SENP5: variants seen among roughly 807,000 people sequenced by gnomAD.
The protein encoded by SENP5 is SUMO specific peptidase 5.
In SENP5, 21 loss-of-function variants were observed where a neutral mutation model predicts 74.2. That is an observed-to-expected ratio of 0.28 (90% CI 0.20 to 0.41). SENP5 has a LOEUF of 0.41. Ranked by LOEUF, SENP5 falls within the 10% of genes least tolerant of loss-of-function variation. The probability of loss-of-function intolerance (pLI) is 1.00; values close to 1 mark genes in which losing one functional copy is unlikely to be tolerated. For missense variants in SENP5, 717 were observed against 889.1 expected (o/e 0.81, Z 2.46); for synonymous variants, 311 against 312.7 (o/e 0.99, Z 0.06).
chr3:196,921,402 C>T (rs1715615280), intron 6 of SENP5, among the ~76,000 whole-genome samples: 1 of 152,040 alleles, frequency 6.6e-6, no homozygotes, highest in African/African-American at 2.4e-5. Context: ...AGTTACTCAG[C>T]CTGTATAAAG....
chr3:196,904,213 G>C (rs1714812325), intron 6 of SENP5, among the ~76,000 whole-genome samples: 1 of 152,190 alleles, frequency 6.6e-6, no homozygotes, highest in African/African-American at 2.4e-5. Context: ...AGAATACAAG[G>C]TAACTGGGAT....
intron 6 of SENP5, among the ~76,000 whole-genome samples, chr3:196,909,283 C>T (rs997846249): frequency 1.3e-5 from 2 of 152,094 alleles, no homozygotes; most frequent in East Asian, 3.9e-4. Context: ...GCCTACCAAC[C>T]ACAAAAAGCC....
At chr3:196,928,437 T>G (rs540323668) in intron 8 of SENP5, among the ~76,000 whole-genome samples, 1 of 152,360 alleles carries the variant, frequency 6.6e-6, no homozygotes, top group African/African-American at 2.4e-5. Context: ...TGGGCTGTGT[T>G]GTTTCCAGTG....
intron 1 of SENP5, among the ~76,000 whole-genome samples, chr3:196,880,760 G>C (rs1378730342): frequency 6.7e-6 from 1 of 148,774 alleles, no homozygotes; most frequent in Non-Finnish European, 1.5e-5. Flanking sequence ...TCCTGCCTCA[G>C]TCTCCCGAGT....
At chr3:196,917,213 G>C (rs1715416038) in intron 6 of SENP5, among the ~76,000 whole-genome samples, 1 of 151,818 alleles carries the variant, frequency 6.6e-6, no homozygotes, top group Admixed American at 6.6e-5. Flanking sequence ...AAATACATCA[G>C]AATCTCTCAA....
chr3:196,910,048 A>G (rs562718127), intron 6 of SENP5, among the ~76,000 whole-genome samples: 2 of 152,298 alleles, frequency 1.3e-5, no homozygotes, highest in Non-Finnish European at 2.9e-5. Context: ...AAACTTTAGC[A>G]AAGTCTCAGG....
At chr3:196,929,227 T>TG (rs1715933727) in intron 8 of SENP5, 1 of 182,134 alleles carries the variant, frequency 5.5e-6, no homozygotes, top group African/African-American at 2.4e-5. Context: ...GGTCGTGTGA[T>TG]GTGAGATCAG....
chr3:196,895,496 TTC>T (rs1319163254), intron 2 of SENP5, among the ~76,000 whole-genome samples: 2 of 83,378 alleles, frequency 2.4e-5, no homozygotes, highest in African/African-American at 7.3e-5. Flanking sequence ...TTACTTTAAC[TTC>T]TTTTTTTTAA....
chr3:196,910,283 C>T (rs1438300446), intron 6 of SENP5, among the ~76,000 whole-genome samples: 4 of 149,362 alleles, frequency 2.7e-5, no homozygotes, highest in Non-Finnish European at 3.0e-5. Flanking sequence ...ATTCCATCCT[C>T]GTGGATAGGA....
intron 6 of SENP5, among the ~76,000 whole-genome samples, chr3:196,916,991 G>A (rs184308126): frequency 8.6e-5 from 13 of 151,992 alleles, no homozygotes; most frequent in African/African-American, 2.4e-4. Flanking sequence ...AAAATTAGCC[G>A]GGCGTGGTGA....
intron 2 of SENP5, among the ~76,000 whole-genome samples, chr3:196,889,744 C>G (rs532576344): frequency 1.1e-3 from 163 of 152,270 alleles, no homozygotes; most frequent in Non-Finnish European, 1.8e-3. Flanking sequence ...TTTGGTAGAT[C>G]AGAAACTGAG....
chr3:196,874,374 C>G (rs746076366), intron 1 of SENP5, among the ~76,000 whole-genome samples: 2 of 151,300 alleles, frequency 1.3e-5, no homozygotes, highest in Non-Finnish European at 2.9e-5. Flanking sequence ...TGGTTTTTGT[C>G]CTTTCCATTG....
At chr3:196,903,437 G>C in intron 5 of SENP5, 96 bp from the exon 6 acceptor site, 1 of 711,040 alleles carries the variant, frequency 1.4e-6, no homozygotes. Context: ...CTTTTTGTCT[G>C]CTTTACATTC....
chr3:196,881,847 T>C (rs2108812740), intron 1 of SENP5, among the ~76,000 whole-genome samples: 1 of 152,142 alleles, frequency 6.6e-6, no homozygotes, highest in East Asian at 1.9e-4. Flanking sequence ...CCCTGTTCTT[T>C]TTTTTCAATG....
chr3:196,904,551 G>A lies in SENP5; in HGVS notation c.1884+941G>A, dbSNP rs74950931. ...GCCTGTAATCCCAGCACTTTGGGAG[G>A]CTGAGGTGGGCGGATCACTGAAGGT... On this transcript the variant is annotated intron_variant, in intron 6 of 9. Coordinates refer to ENST00000323460, the MANE Select transcript of SENP5 (RefSeq NM_152699.5). Among the ~76,000 whole-genome samples, 187 of 152,296 alleles carry A rather than the reference G, an allele frequency of 1.2e-3. 6 individuals carry two copies. In the East Asian group the frequency reaches 0.03, roughly 24 times the overall value.
At chr3:196,927,636 T>TA (rs10663759) in intron 7 of SENP5, among the ~76,000 whole-genome samples, 160 bp from the exon 8 acceptor site, 48,075 of 136,048 alleles carry the variant, frequency 0.35, 8,946 homozygotes, top group East Asian at 0.76. Flanking sequence ...ATCCTCTCTT[T>TA]AAAAAAAAAA....
chr3:196,882,957 A>G (rs1414947964), intron 1 of SENP5, among the ~76,000 whole-genome samples: 2 of 146,494 alleles, frequency 1.4e-5, no homozygotes, highest in Non-Finnish European at 3.0e-5. Flanking sequence ...TGGACTAGTT[A>G]TAGTCTCCAG....
Position 196,927,811 on chromosome 3 carries a change from T to G in SENP5, c.2038T>G (p.Leu680Val). 1 of 1,608,580 alleles carries G rather than the reference T, an allele frequency of 6.2e-7. No individual in the cohort carries two copies. Among genetic ancestry groups the G allele is most frequent in the Non-Finnish European group, 8.5e-7 (1 of 1,174,982 alleles). ...TTTTAACCAGAATATAAGAAAGTATTTGCTGACTGAAGCCAGAGAAAAAAA... is the reference window on the plus strand; with the variant it reads ...TTTTAACCAGAATATAAGAAAGTATGTGCTGACTGAAGCCAGAGAAAAAAA... The part of the protein sequence containing the change: ...KFCVENIRKY[L>V]LTEAREKNRP... The change falls in exon 8 of 10, where the codon TTG (leucine) becomes GTG (valine). Residue 680 changes from leucine to valine, a missense_variant. Physicochemically the swap from Leu to Val is conservative, Grantham distance 32. This residue lies in a region of SENP5 where 85 missense variants were observed against 188.9 expected (regional missense o/e 0.45). Coordinates refer to ENST00000323460, the MANE Select transcript of SENP5 (RefSeq NM_152699.5).
In SENP5 at chr3:196,881,404, G is replaced by C. The variant is rs567022384; in HGVS notation, c.-31-3747G>C. Reference sequence around the variant, plus strand: ...CTTTTGTAGTTATTAAATGTTACCAGATTACCCTCCAAAAAGATTGGATCA... The same window carrying C: ...CTTTTGTAGTTATTAAATGTTACCACATTACCCTCCAAAAAGATTGGATCA... On this transcript the variant is annotated intron_variant, in intron 1 of 9. Coordinates refer to ENST00000323460, the MANE Select transcript of SENP5 (RefSeq NM_152699.5). 3.9e-5 allele frequency among the ~76,000 whole-genome samples: 6 copies of C among 152,220 alleles called. No individual in the cohort carries two copies. The South Asian group carries it at 8.3e-4, about 21-fold the overall frequency.
Sources: gnomAD v4.1 joint callset for allele counts (sites outside exome capture counted in the v4.1 genomes callset) on GRCh38, gnomAD v4.1.1 for gene constraint, gnomAD v4.1.1 regional missense constraint, MANE v1.5 for transcripts, NCBI Gene and HGNC (gene_info 2026-07-23, HGNC 2026-07-21) for gene names.